PRKG1: variants seen among roughly 807,000 people sequenced by gnomAD.
PRKG1 encodes protein kinase cGMP-dependent 1, also known as cGMP-dependent protein kinase 1.
Under a neutral mutation model 88.1 loss-of-function variants are expected in PRKG1, and 35 were observed. The ratio of observed to expected loss-of-function variants is 0.40; its 90% CI spans 0.30 to 0.53. PRKG1 has a LOEUF of 0.53. PRKG1 is among the 20% of genes least tolerant of loss of function. The pLI, the probability that PRKG1 is intolerant of heterozygous loss-of-function variation, is 0.59. For missense variants in PRKG1, 540 were observed against 839.8 expected (o/e 0.64, Z 4.41); for synonymous variants, 303 against 292.5 (o/e 1.04, Z -0.37).
intron 10 of PRKG1, among the ~76,000 whole-genome samples, chr10:52,266,125 C>A (rs111849648): frequency 5.3e-5 from 8 of 151,732 alleles, no homozygotes; most frequent in African/African-American, 1.9e-4. Flanking sequence ...AACCCAATTA[C>A]CCCTATTATT....
At chr10:51,937,276 C>A (rs965675162) in intron 5 of PRKG1, among the ~76,000 whole-genome samples, 1 of 151,938 alleles carries the variant, frequency 6.6e-6, no homozygotes, top group Non-Finnish European at 1.5e-5. Flanking sequence ...ATATTCTATG[C>A]CGCTATGAGC....
At chr10:52,100,694 C>T (rs866095607) in intron 7 of PRKG1, among the ~76,000 whole-genome samples, 7 of 152,106 alleles carry the variant, frequency 4.6e-5, no homozygotes. Context: ...AAAACGAGAG[C>T]CTTTATCCAA....
chr10:51,786,681 ATG>A (rs1289232567), intron 3 of PRKG1, among the ~76,000 whole-genome samples: 1 of 152,182 alleles, frequency 6.6e-6, no homozygotes, highest in African/African-American at 2.4e-5. Flanking sequence ...GAGGAAATAT[ATG>A]TGTCTTGCTC....
chr10:51,804,116 T>G (rs1839244108), intron 3 of PRKG1, among the ~76,000 whole-genome samples: 1 of 152,158 alleles, frequency 6.6e-6, no homozygotes, highest in African/African-American at 2.4e-5. Context: ...TTCTATTATA[T>G]AAATTCTCCC....
At chr10:51,526,132 T>G (rs1283156130) in intron 3 of PRKG1, among the ~76,000 whole-genome samples, 2 of 152,172 alleles carry the variant, frequency 1.3e-5, no homozygotes, top group Non-Finnish European at 2.9e-5. Context: ...TTCGCTACTA[T>G]TAAACATTTA....
At chr10:52,025,241 G>A (rs1230612109) in intron 5 of PRKG1, among the ~76,000 whole-genome samples, 2 of 151,952 alleles carry the variant, frequency 1.3e-5, no homozygotes, top group Non-Finnish European at 2.9e-5. Context: ...TTGTCAGATG[G>A]GTAGATTGCA....
chr10:51,597,039 A>G (rs1433505606), intron 3 of PRKG1, among the ~76,000 whole-genome samples: 1 of 152,208 alleles, frequency 6.6e-6, no homozygotes, highest in Non-Finnish European at 1.5e-5. Context: ...CTTCACATGA[A>G]TCAGCCTACT....
intron 3 of PRKG1, among the ~76,000 whole-genome samples, chr10:51,526,243 A>G (rs1483622617): frequency 6.6e-6 from 1 of 152,224 alleles, no homozygotes. Context: ...TCTCATAATA[A>G]TTTTTGTATT....
At chr10:51,751,166 TC>T (rs1363643221) in intron 3 of PRKG1, among the ~76,000 whole-genome samples, 1 of 152,152 alleles carries the variant, frequency 6.6e-6, no homozygotes, top group Non-Finnish European at 1.5e-5. Context: ...TCAGACTAAG[TC>T]AAGGCCCCTC....
chr10:51,278,870 G>A (rs1019100832), intron 2 of PRKG1, among the ~76,000 whole-genome samples: 5 of 152,156 alleles, frequency 3.3e-5, no homozygotes, highest in African/African-American at 1.2e-4. Context: ...ATTGCTAGCG[G>A]TCAATCAATT....
intron 1 of PRKG1, among the ~76,000 whole-genome samples, chr10:51,138,792 C>T (rs1328022252): frequency 6.8e-6 from 1 of 148,142 alleles, no homozygotes; most frequent in East Asian, 2.1e-4. Flanking sequence ...AAACGATTCC[C>T]CTGCCTCAGC....
intron 5 of PRKG1, among the ~76,000 whole-genome samples, chr10:51,993,783 G>C (rs1844370424): frequency 6.6e-6 from 1 of 152,114 alleles, no homozygotes; most frequent in Non-Finnish European, 1.5e-5. Flanking sequence ...CAATTGTCAG[G>C]TTGACTTCAA....
chr10:51,453,484 G>A (rs772289932), intron 2 of PRKG1, among the ~76,000 whole-genome samples: 7 of 151,932 alleles, frequency 4.6e-5, no homozygotes, highest in Non-Finnish European at 8.8e-5. Flanking sequence ...TTCTTTTGCT[G>A]TATCCCAAAG....
intron 2 of PRKG1, among the ~76,000 whole-genome samples, chr10:51,390,659 G>C (rs1172394039): frequency 6.6e-6 from 1 of 152,152 alleles, no homozygotes; most frequent in African/African-American, 2.4e-5. Flanking sequence ...TTCTTAAGGT[G>C]AGGTTAAGGC....
At chr10:51,998,107 G>A (rs928912656) in intron 5 of PRKG1, among the ~76,000 whole-genome samples, 5 of 152,128 alleles carry the variant, frequency 3.3e-5, no homozygotes, top group Non-Finnish European at 7.4e-5. Context: ...TTAAAATCAT[G>A]AAAAGATGTG....
chr10:52,286,943 T>C (rs1221284490), intron 14 of PRKG1, among the ~76,000 whole-genome samples: 2 of 152,022 alleles, frequency 1.3e-5, no homozygotes, highest in East Asian at 3.8e-4. Context: ...TCATCAAATG[T>C]AGAGCATTCT....
At chr10:51,525,062 T>G (rs1209075355) in intron 3 of PRKG1, among the ~76,000 whole-genome samples, 1 of 152,010 alleles carries the variant, frequency 6.6e-6, no homozygotes, top group Non-Finnish European at 1.5e-5. Context: ...CTGAATCACC[T>G]ATAATCAGTA....
chr10:51,123,780 A>C (rs908452917), intron 1 of PRKG1, among the ~76,000 whole-genome samples: 3 of 152,116 alleles, frequency 2.0e-5, no homozygotes, highest in Non-Finnish European at 4.4e-5. Context: ...TGCAGGCTGT[A>C]CAGAAAACAT....
chr10:51,914,074 C>A (rs946672629), intron 5 of PRKG1, among the ~76,000 whole-genome samples: 4 of 152,080 alleles, frequency 2.6e-5, no homozygotes, highest in Non-Finnish European at 4.4e-5. Flanking sequence ...CATTTTCTTT[C>A]TTCTCTTATG....
Sources: allele counts gnomAD v4.1 joint callset (sites outside exome capture counted in the v4.1 genomes callset), GRCh38; gene constraint gnomAD v4.1.1; transcripts MANE v1.5; gene names NCBI Gene and HGNC (gene_info 2026-07-23, HGNC 2026-07-21).